Variants in NTM observed in about 807,000 individuals in gnomAD.
The protein encoded by NTM is neurotrimin.
NTM carries 13 observed loss-of-function variants against 42.1 expected under a neutral mutation model. That is an observed-to-expected ratio of 0.31 (90% CI 0.20 to 0.49). The LOEUF is 0.49. Among genes scored for constraint, NTM ranks in the 20% least tolerant of loss-of-function variants. The pLI is 0.99. For synonymous variants in NTM, 187 were observed against 179.2 expected (o/e 1.04, Z -0.35); for missense variants, 373 against 452.8 (o/e 0.82, Z 1.60).
chr11:132,284,829 AGATGCCCAGCAC>A (rs1274324085), intron 4 of NTM: 1 of 152,360 alleles, frequency 6.6e-6, no homozygotes, highest in African/African-American at 2.4e-5. Context: ...GACCCGCCTC[AGATGCCCAGCAC>A]TGCGACTGCT....
intron 1 of NTM, among the ~76,000 whole-genome samples, chr11:131,511,406 G>T (rs997136952): frequency 6.6e-6 from 1 of 151,864 alleles, no homozygotes; most frequent in Non-Finnish European, 1.5e-5. Flanking sequence ...TTCGCCTGCC[G>T]CTGGCCAGGG....
chr11:131,797,101 C>T (rs1234288895), intron 1 of NTM, among the ~76,000 whole-genome samples: 3 of 152,144 alleles, frequency 2.0e-5, no homozygotes, highest in African/African-American at 4.8e-5. Flanking sequence ...AAGATTTTGA[C>T]TAATGTGTTT....
chr11:132,187,993 C>T (rs574233639), intron 3 of NTM, among the ~76,000 whole-genome samples: 2 of 152,274 alleles, frequency 1.3e-5, no homozygotes, highest in East Asian at 1.9e-4. Context: ...AGCAAGAAAG[C>T]CTCCTAAAGA....
intron 7 of NTM, among the ~76,000 whole-genome samples, chr11:132,325,116 A>G (rs1339844195): frequency 6.6e-6 from 1 of 152,164 alleles, no homozygotes; most frequent in African/African-American, 2.4e-5. Flanking sequence ...GTGGGCAAGG[A>G]CTTCATGTCT....
chr11:132,023,173 G>C (rs1333541456), intron 2 of NTM, among the ~76,000 whole-genome samples: 1 of 152,200 alleles, frequency 6.6e-6, no homozygotes, highest in Non-Finnish European at 1.5e-5. Flanking sequence ...GCTGCCGCCT[G>C]GGCATGTTAT....
At chr11:131,691,795 C>T (rs1025025072) in intron 1 of NTM, among the ~76,000 whole-genome samples, 12 of 152,210 alleles carry the variant, frequency 7.9e-5, no homozygotes, top group Admixed American at 2.6e-4. Context: ...AGGGAGGCGG[C>T]GCATCCACAC....
chr11:132,104,983 A>G (rs1218522942), intron 2 of NTM, among the ~76,000 whole-genome samples: 1 of 112,360 alleles, frequency 8.9e-6, no homozygotes, highest in African/African-American at 3.4e-5. Context: ...ATATATATAT[A>G]TATATATATT....
intron 4 of NTM, among the ~76,000 whole-genome samples, chr11:132,275,601 G>GT (rs1188660371): frequency 1.4e-5 from 2 of 143,250 alleles, no homozygotes; most frequent in Non-Finnish European, 1.5e-5. Flanking sequence ...AAAGTACTGT[G>GT]TTTTTTACTG....
chr11:131,599,056 AG>A (rs1301095543), intron 1 of NTM, among the ~76,000 whole-genome samples: 1 of 151,942 alleles, frequency 6.6e-6, no homozygotes, highest in African/African-American at 2.4e-5. Flanking sequence ...CTGGGATTAC[AG>A]GCGTGTGCCA....
intron 2 of NTM, among the ~76,000 whole-genome samples, chr11:132,082,070 A>T (rs2059142498): frequency 6.6e-6 from 1 of 151,606 alleles, no homozygotes; most frequent in Non-Finnish European, 1.5e-5. Flanking sequence ...ATAAAAAAAA[A>T]AACCCTTCAT....
Position 132,267,848 on chromosome 11 carries a change from A to T in NTM, c.527-39841A>T, listed in dbSNP as rs2093283325. 1.3e-5 allele frequency among the ~76,000 whole-genome samples: 2 copies of T among 151,936 alleles called. 1 individual carries two copies. Among genetic ancestry groups the T allele is most frequent in the Admixed American group, 1.3e-4 (2 of 15,254 alleles). ...CAGAGCAAGACTCCATCTCAAAAAA[A>T]AAAAAACAAAAAAAACCCAGAAACC... is the stretch of plus-strand genomic sequence containing the variant. On this transcript the variant is annotated intron_variant, in intron 4 of 8. Coordinates refer to ENST00000683400, the MANE Select transcript of NTM (RefSeq NM_001352005.2).
At chr11:131,960,308 T>C (rs1362262016) in intron 2 of NTM, among the ~76,000 whole-genome samples, 1 of 152,200 alleles carries the variant, frequency 6.6e-6, no homozygotes, top group Admixed American at 6.5e-5. Flanking sequence ...CAGTGTCATC[T>C]CCTACATGAT....
At chr11:131,805,107 C>CAAATAAGTACAAATAGATGAA (rs2092405559) in intron 1 of NTM, among the ~76,000 whole-genome samples, 1 of 152,152 alleles carries the variant, frequency 6.6e-6, no homozygotes, top group Non-Finnish European at 1.5e-5. Flanking sequence ...ATGAAACATT[C>CAAATAAGTACAAATAGATGAA]ACGTTATAAT....
chr11:131,479,369 G>C (rs749017663), intron 1 of NTM, among the ~76,000 whole-genome samples: 4 of 152,164 alleles, frequency 2.6e-5, no homozygotes, highest in Non-Finnish European at 5.9e-5. Flanking sequence ...GGGTGGGAGA[G>C]AGCATGAGAG....
In NTM at chr11:131,739,969, C is replaced by T. The variant is rs79870042; in HGVS notation, c.83-171595C>T. On this transcript the variant is annotated intron_variant, in intron 1 of 8. Coordinates refer to ENST00000683400, the MANE Select transcript of NTM (RefSeq NM_001352005.2). ...CTCTTACACCCAGGAGTGTGATTAT[C>T]TGACATTTTGGTTTAATGAAAAAAT... 4.7e-3 allele frequency among the ~76,000 whole-genome samples: 716 copies of T among 152,308 alleles called. 11 individuals are homozygous for T. The highest frequency in any genetic ancestry group is 0.016 in the African/African-American group (664 of 41,546).
At chr11:132,117,130 TG>T (rs1181267374) in intron 2 of NTM, among the ~76,000 whole-genome samples, 2 of 152,328 alleles carry the variant, frequency 1.3e-5, no homozygotes, top group African/African-American at 4.8e-5. Flanking sequence ...TTAGAAATCG[TG>T]AGTGTTCATT....
At chr11:132,198,202 C>T (rs2080584696) in intron 3 of NTM, among the ~76,000 whole-genome samples, 1 of 152,244 alleles carries the variant, frequency 6.6e-6, no homozygotes, top group Non-Finnish European at 1.5e-5. Context: ...TCTGTTTATA[C>T]ATTTATTACT....
chr11:132,140,834 C>T (rs1205908182), intron 2 of NTM, among the ~76,000 whole-genome samples: 2 of 152,176 alleles, frequency 1.3e-5, no homozygotes, highest in South Asian at 2.1e-4. Context: ...AGGGGAGGGG[C>T]AGGGCACAAG....
intron 1 of NTM, chr11:131,539,550 T>TGCCG (rs2052854033): frequency 6.6e-6 from 1 of 152,172 alleles, no homozygotes; most frequent in African/African-American, 2.4e-5. Flanking sequence ...CACACACAGA[T>TGCCG]AGTGCCGTGA....
Sources: gnomAD v4.1 joint callset for allele counts (sites outside exome capture counted in the v4.1 genomes callset) on GRCh38, gnomAD v4.1.1 for gene constraint, MANE v1.5 for transcripts, NCBI Gene and HGNC (gene_info 2026-07-23, HGNC 2026-07-21) for gene names.